CHGA: variants seen among roughly 807,000 people sequenced by gnomAD.
CHGA encodes chromogranin A.
Under a neutral mutation model 54.4 loss-of-function variants are expected in CHGA, and 41 were observed. That is an observed-to-expected ratio of 0.75 (90% CI 0.59 to 0.98). The LOEUF (loss-of-function observed/expected upper bound fraction) is 0.98. CHGA is among the 50% of genes least tolerant of loss of function. The probability of loss-of-function intolerance (pLI) is 0.00; values close to 1 mark genes in which losing one functional copy is unlikely to be tolerated. For missense variants in CHGA, 576 were observed against 582.3 expected (o/e 0.99, Z 0.11); for synonymous variants, 249 against 232.8 (o/e 1.07, Z -0.63).
In CHGA at chr14:92,924,234, G is replaced by C; in HGVS notation, c.82G>C (p.Gly28Arg). Residue 28 changes from glycine to arginine, a missense_variant, in exon 2 of 8, where the codon GGG becomes CGG. Gly to Arg is a moderately radical substitution (Grantham distance 125, BLOSUM62 -2). Coordinates refer to ENST00000216492, the MANE Select transcript of CHGA (RefSeq NM_001275.4). ...CCCTGTGAACAGCCCTATGAATAAAGGGGATACCGAGGTAAGAAGGGGTGC... is the reference window on the plus strand; with the variant it reads ...CCCTGTGAACAGCCCTATGAATAAACGGGATACCGAGGTAAGAAGGGGTGC... ...ALPVNSPMNK[G>R]DTEVMKCIVE... 6.2e-7 allele frequency: 1 copy of C among 1,612,274 alleles called. No individual in the cohort carries two copies. The highest frequency in any genetic ancestry group is 8.5e-7 in the Non-Finnish European group (1 of 1,179,522).
intron 4 of CHGA, 88 bp downstream of exon 4, chr14:92,927,706 C>T: frequency 1.9e-6 from 2 of 1,030,174 alleles, no homozygotes; most frequent in Non-Finnish European, 3.0e-6. Flanking sequence ...AAGTTCCTCT[C>T]TGGGACTGTC....
chr14:92,927,707 T>TG, intron 4 of CHGA, 89 bp downstream of exon 4: 1 of 1,029,810 alleles, frequency 9.7e-7, no homozygotes. Flanking sequence ...AGTTCCTCTC[T>TG]GGGACTGTCA....
intron 2 of CHGA, among the ~76,000 whole-genome samples, chr14:92,924,450 T>A (rs1886848178): frequency 6.6e-6 from 1 of 152,244 alleles, no homozygotes; most frequent in Non-Finnish European, 1.5e-5. Context: ...CAGCTTCCTC[T>A]GAGCTGCACA....
chr14:92,927,124 A>T (rs1886901873), intron 3 of CHGA, among the ~76,000 whole-genome samples: 1 of 152,230 alleles, frequency 6.6e-6, no homozygotes, highest in Non-Finnish European at 1.5e-5. Flanking sequence ...GCAACCAGTC[A>T]AGTTTTTACT....
Position 92,935,171 on chromosome 14 carries a change from C to G in CHGA, c.*287C>G, listed in dbSNP as rs1803279. 4.6e-6 allele frequency: 2 copies of G among 432,866 alleles called. No individual in the cohort carries two copies. The highest frequency in any genetic ancestry group is 8.1e-6 in the Non-Finnish European group (2 of 246,906). 26.8% of individuals were successfully genotyped at this position (432,866 alleles called of 1,614,324 possible). ...GAAGTTTCCCTTCCTCCATCCTATC[C>G]ACTGGGCACAACTGCAATAACTTCT... On this transcript the variant is annotated 3_prime_UTR_variant, in exon 8 of 8. Coordinates refer to ENST00000216492, the MANE Select transcript of CHGA (RefSeq NM_001275.4).
Position 92,929,773 on chromosome 14 carries a change from T to C in CHGA, c.313T>C (p.Ser105Pro), listed in dbSNP as rs1566674156. ...KKHSGFEDELSEVLENQSSQA... is the reference protein window; with the variant it reads ...KKHSGFEDELPEVLENQSSQA... ...ACACAGCGGTTTTGAAGATGAACTC[T>C]CAGAGGTTCTTGAGAACCAGAGCAG... Residue 105 changes from serine to proline, a missense_variant, in exon 5 of 8, where the codon TCA becomes CCA. Ser to Pro is a moderately conservative substitution (Grantham distance 74). Coordinates refer to ENST00000216492, the MANE Select transcript of CHGA (RefSeq NM_001275.4). 7.4e-6 allele frequency: 12 copies of C among 1,613,440 alleles called. 1 individual carries two copies. Among genetic ancestry groups the C allele is most frequent in the Middle Eastern group, 1.6e-4 (1 of 6,078 alleles).
intron 6 of CHGA, 95 bp downstream of exon 6, chr14:92,931,797 C>A: frequency 7.8e-7 from 1 of 1,278,060 alleles, no homozygotes; most frequent in Non-Finnish European, 1.1e-6. Flanking sequence ...ACCTTCATAA[C>A]AACCCTGAAA....
intron 5 of CHGA, among the ~76,000 whole-genome samples, chr14:92,930,508 A>C (rs779383693): frequency 6.6e-6 from 1 of 152,198 alleles, no homozygotes; most frequent in African/African-American, 2.4e-5. Flanking sequence ...TTGAAGCTTT[A>C]ATGAGGCAGG....
At chr14:92,933,277 T>A in intron 7 of CHGA, 1 of 160,066 alleles carries the variant, frequency 6.2e-6, no homozygotes. Flanking sequence ...ATCTCTTGCC[T>A]GTGGGGAGTG....
rs1566674984 is a variant in CHGA at position 92,931,699 on chromosome 14, G to GA, written c.806dup (p.Ser270GlufsTer17). 6.4e-7 allele frequency: 1 copy of GA among 1,568,196 alleles called. No individual in the cohort carries two copies. Among genetic ancestry groups the GA allele is most frequent in the Admixed American group, 1.8e-5 (1 of 56,514 alleles). Reference sequence around the variant, plus strand: ...TGGCTACAAGGAGATCCGGAAAGGCGAGAGTACGTATGATGGCGAAGACCT... The same window carrying GA: ...TGGCTACAAGGAGATCCGGAAAGGCGAAGAGTACGTATGATGGCGAAGACCT... On this transcript the variant is annotated frameshift_variant, in exon 6 of 8. Transcript: ENST00000216492. LOFTEE classifies it high-confidence loss of function.
chr14:92,929,854 G>C (rs770932731), intron 5 of CHGA, 39 bp downstream of exon 5: 19 of 1,548,522 alleles, frequency 1.2e-5, no homozygotes, highest in Non-Finnish European at 1.7e-5. Flanking sequence ...GGGGAAGGGA[G>C]GGTGGCAGTG....
intron 7 of CHGA, among the ~76,000 whole-genome samples, chr14:92,934,487 G>C (rs1887076494): frequency 6.6e-6 from 1 of 152,168 alleles, no homozygotes; most frequent in Non-Finnish European, 1.5e-5. Flanking sequence ...GGCACTGTAA[G>C]CTTTGTTTTC....
chr14:92,927,212 A>T (rs1886903268), intron 3 of CHGA, among the ~76,000 whole-genome samples: 1 of 152,220 alleles, frequency 6.6e-6, no homozygotes, highest in South Asian at 2.1e-4. Context: ...AAAAATGAAG[A>T]CAGGGTTGTC....
intron 5 of CHGA, among the ~76,000 whole-genome samples, chr14:92,930,333 C>T (rs975551670): frequency 1.3e-5 from 2 of 152,244 alleles, no homozygotes; most frequent in African/African-American, 4.8e-5. Flanking sequence ...CACTCTGAGC[C>T]ATCCTCCCTT....
At chr14:92,929,957 C>A in intron 5 of CHGA, 142 bp downstream of exon 5, 2 of 681,354 alleles carry the variant, frequency 2.9e-6, no homozygotes, top group Non-Finnish European at 5.1e-6. Flanking sequence ...GGGGAAACTG[C>A]TGCTCAGAGA....
chr14:92,932,547 A>G lies in CHGA; in HGVS notation c.986A>G (p.Glu329Gly). 1 of 1,554,844 alleles carries G rather than the reference A, an allele frequency of 6.4e-7. No individual in the cohort carries two copies. The highest frequency in any genetic ancestry group is 1.8e-4 in the Middle Eastern group (1 of 5,654). ...AAGAGCGGAGAGCTGGAGCAGGAGGAGGAGCGGCTCTCCAAGGAGTGGGAG... is the reference window on the plus strand; with the variant it reads ...AAGAGCGGAGAGCTGGAGCAGGAGGGGGAGCGGCTCTCCAAGGAGTGGGAG... ...GGKSGELEQE[E>G]ERLSKEWEDS... Residue 329 changes from glutamate to glycine, a missense_variant, in exon 7 of 8, where the codon GAG (glutamate) becomes GGG (glycine). By Grantham distance (98) the Glu-to-Gly change is moderately conservative. Transcript: ENST00000216492. The surrounding 1 kb of genome is among the most constrained non-coding windows in gnomAD (Gnocchi z 5.3).
At position 92,923,333 on chromosome 14, in the gene CHGA, G is replaced by C. The variant is rs1595058994; in HGVS notation, c.-27G>C. ...GTGCCTAGGTGCCCGGCCCCACACC[G>C]CCAGCTGCTCGGCGCCCGGGTCCGC... is the stretch of plus-strand genomic sequence containing the variant. On this transcript the variant is annotated 5_prime_UTR_variant, in exon 1 of 8. Coordinates refer to ENST00000216492, the MANE Select transcript of CHGA (RefSeq NM_001275.4). 1 of 1,321,014 alleles carries C rather than the reference G, an allele frequency of 7.6e-7. No individual in the cohort carries two copies. The highest frequency in any genetic ancestry group is 2.1e-5 in the South Asian group (1 of 46,554). The allele number at this position is 1,321,014 out of a possible 1,614,324, so 81.8% of individuals were successfully genotyped here.
chr14:92,935,092 G>T lies in CHGA; in HGVS notation c.*208G>T. On this transcript the variant is annotated 3_prime_UTR_variant, in exon 8 of 8. Coordinates refer to ENST00000216492, the MANE Select transcript of CHGA (RefSeq NM_001275.4). Reference sequence around the variant, plus strand: ...GCCCTGGAACATCCTTTGCAGGGCAGCCCCACAACTTTAAACATTGACGAT... The same window carrying T: ...GCCCTGGAACATCCTTTGCAGGGCATCCCCACAACTTTAAACATTGACGAT... 1 of 520,584 alleles carries T rather than the reference G, an allele frequency of 1.9e-6. No individual in the cohort carries two copies. Among genetic ancestry groups the T allele is most frequent in the South Asian group, 2.9e-5 (1 of 34,236 alleles). The allele number at this position is 520,584 out of a possible 1,614,324, so 32.2% of individuals were successfully genotyped here.
chr14:92,930,390 G>T (rs1886971133), intron 5 of CHGA, among the ~76,000 whole-genome samples: 1 of 152,242 alleles, frequency 6.6e-6, no homozygotes, highest in African/African-American at 2.4e-5. Flanking sequence ...TGCTCTCCAT[G>T]TAGAAGATGG....
Sources: allele counts gnomAD v4.1 joint callset (sites outside exome capture counted in the v4.1 genomes callset), GRCh38; gene constraint gnomAD v4.1.1; non-coding constraint Gnocchi (gnomAD v3.1); transcripts MANE v1.5; gene names NCBI Gene and HGNC (gene_info 2026-07-23, HGNC 2026-07-21).